UBE3A: variants seen among roughly 807,000 people sequenced by gnomAD.
The protein encoded by UBE3A is ubiquitin-protein ligase E3A.
A neutral mutation model predicts 83.4 loss-of-function variants in UBE3A; 6 were observed. The observed-to-expected ratio is 0.07, with a 90% CI of 0.04 to 0.14. The LOEUF is 0.14. Ranked by LOEUF, UBE3A falls within the 10% of genes least tolerant of loss-of-function variation. UBE3A has a pLI of 1.00. For missense variants in UBE3A, 456 were observed against 1,036.1 expected, an observed-to-expected ratio of 0.44 and a Z score of 7.69; for synonymous variants, 337 against 355.4, an observed-to-expected ratio of 0.95 and a Z score of 0.58.
intron 11 of UBE3A, among the ~76,000 whole-genome samples, chr15:25,341,942 G>GAAAT (rs2074913940): frequency 6.6e-6 from 1 of 152,040 alleles, no homozygotes; most frequent in African/African-American, 2.4e-5. Flanking sequence ...CCATTTATCT[G>GAAAT]AAATAACTTA....
intron 4 of UBE3A, among the ~76,000 whole-genome samples, chr15:25,382,660 T>C (rs2082399773): frequency 6.6e-6 from 1 of 150,542 alleles, no homozygotes; most frequent in African/African-American, 2.4e-5. Flanking sequence ...ATCAACAAAA[T>C]TAGGAGTAGC....
In UBE3A at chr15:25,370,807, T is replaced by G; in HGVS notation, c.1367A>C (p.Glu456Ala). 6.2e-7 allele frequency: 1 copy of G among 1,614,132 alleles called. No homozygotes were observed. The highest frequency in any genetic ancestry group is 2.2e-5 in the East Asian group (1 of 44,886). Residue 456 changes from glutamate to alanine, a missense_variant, in exon 6 of 13, where the codon GAA (glutamate) becomes GCA (alanine). Physicochemically the swap from Glu to Ala is moderately radical, Grantham distance 107. Coordinates refer to ENST00000648336, the MANE Select transcript of UBE3A (RefSeq NM_130839.5). This position sits in a 1 kb window ranked among gnomAD's most constrained non-coding sequence, Gnocchi z 4.2. ...FINEPLNEVL[E>A]MDKDYTFFKV... ...GAAAAAAGTATAATCTTTATCCATTTCTAGAACCTCATTCAGTGGTTCATT... is the reference window on the plus strand; with the variant it reads ...GAAAAAAGTATAATCTTTATCCATTGCTAGAACCTCATTCAGTGGTTCATT...
chr15:25,398,729 G>A (rs1305964131), intron 4 of UBE3A, among the ~76,000 whole-genome samples: 1 of 139,548 alleles, frequency 7.2e-6, no homozygotes, highest in Non-Finnish European at 1.5e-5. Context: ...AAAGGAACAT[G>A]GGAGTACAGA....
chr15:25,392,140 A>G (rs954853733), intron 4 of UBE3A, among the ~76,000 whole-genome samples: 1 of 152,208 alleles, frequency 6.6e-6, no homozygotes, highest in Non-Finnish European at 1.5e-5. Flanking sequence ...AGTGGAGAAC[A>G]CGAATAACGT....
At chr15:25,350,661 T>C (rs2076367328) in intron 11 of UBE3A, among the ~76,000 whole-genome samples, 1 of 152,002 alleles carries the variant, frequency 6.6e-6, no homozygotes, top group African/African-American at 2.4e-5. Context: ...TTATTCACAA[T>C]AGTCCCAAAC....
At chr15:25,368,154 TG>T (rs2152803811) in intron 6 of UBE3A, among the ~76,000 whole-genome samples, 1 of 152,266 alleles carries the variant, frequency 6.6e-6, no homozygotes, top group East Asian at 1.9e-4. Flanking sequence ...CAGAGATCCT[TG>T]GGAAATAAGA....
chr15:25,385,573 T>C (rs1375911622), intron 4 of UBE3A, among the ~76,000 whole-genome samples: 1 of 152,078 alleles, frequency 6.6e-6, no homozygotes, highest in Non-Finnish European at 1.5e-5. Flanking sequence ...TACCTCCAGT[T>C]CCACATATGA....
At chr15:25,356,231 A>T (rs2077193108) in intron 8 of UBE3A, among the ~76,000 whole-genome samples, 175 bp from the exon 9 acceptor site, 1 of 152,006 alleles carries the variant, frequency 6.6e-6, no homozygotes, top group African/African-American at 2.4e-5. Context: ...AAAGATTGTC[A>T]GTCACTGTGA....
At chr15:25,431,738 C>T (rs763158078) in intron 1 of UBE3A, among the ~76,000 whole-genome samples, 3 of 152,130 alleles carry the variant, frequency 2.0e-5, no homozygotes, top group Non-Finnish European at 2.9e-5. Flanking sequence ...TTGTGTGAAA[C>T]AGGATTTATC....
At chr15:25,367,312 A>T (rs1390862071) in intron 6 of UBE3A, among the ~76,000 whole-genome samples, 2 of 142,120 alleles carry the variant, frequency 1.4e-5, no homozygotes, top group African/African-American at 5.8e-5. Context: ...ATTAAATTAA[A>T]TTACATATTT....
intron 11 of UBE3A, among the ~76,000 whole-genome samples, chr15:25,352,770 A>AAATT (rs1284950706): frequency 8.5e-5 from 13 of 152,236 alleles, no homozygotes; most frequent in Admixed American, 5.9e-4. Flanking sequence ...TATATTGAGA[A>AAATT]AATTAAGAAG....
chr15:25,387,372 A>C (rs1369997806), intron 4 of UBE3A, among the ~76,000 whole-genome samples: 13 of 152,120 alleles, frequency 8.5e-5, no homozygotes, highest in Non-Finnish European at 1.5e-4. Context: ...ATACAAAAAA[A>C]TTAGCCACAC....
intron 1 of UBE3A, chr15:25,419,099 A>G (rs922415693): frequency 6.6e-6 from 1 of 152,176 alleles, no homozygotes; most frequent in African/African-American, 2.4e-5. Flanking sequence ...TGACCAAATG[A>G]GAGATTCATG....
At chr15:25,339,365 A>G in intron 12 of UBE3A, 108 bp from the exon 13 acceptor site, 1 of 1,372,722 alleles carries the variant, frequency 7.3e-7, no homozygotes, top group Non-Finnish European at 1.0e-6. Context: ...ACGGTCTGCA[A>G]TGCAAACTAT....
At chr15:25,353,769 T>C (rs543978069) in intron 11 of UBE3A, among the ~76,000 whole-genome samples, 1 of 152,258 alleles carries the variant, frequency 6.6e-6, no homozygotes, top group East Asian at 1.9e-4. Flanking sequence ...CCTATGTCTT[T>C]CAGAATTGGA....
chr15:25,379,650 T>C (rs1402218821), intron 4 of UBE3A, among the ~76,000 whole-genome samples: 1 of 152,118 alleles, frequency 6.6e-6, no homozygotes, highest in Non-Finnish European at 1.5e-5. Flanking sequence ...TTAGAGCACA[T>C]AAAAGGGCCT....
intron 5 of UBE3A, chr15:25,374,985 G>T (rs1025525384): frequency 5.6e-6 from 1 of 178,514 alleles, no homozygotes; most frequent in African/African-American, 2.4e-5. Flanking sequence ...TCCGGAAGGA[G>T]AGTGAGAAGC....
chr15:25,379,422 G>A (rs768558705), intron 4 of UBE3A, among the ~76,000 whole-genome samples: 9 of 152,104 alleles, frequency 5.9e-5, no homozygotes, highest in Non-Finnish European at 1.3e-4. Context: ...TCTGAAAGTA[G>A]CCCTCTATAT....
rs552684122 is a variant in UBE3A at position 25,410,035 on chromosome 15, C to G, written c.-100-828G>C. ...GGAGGGATAGCATTAGGAAATATAC[C>G]TAATGCTAAATGACGAGTTAATGGG... On this transcript the variant is annotated intron_variant, in intron 2 of 12. Transcript: ENST00000648336. Among the ~76,000 whole-genome samples the G allele has an allele frequency of 3.3e-5, 5 of 152,096 alleles. No homozygotes were observed. The South Asian group carries it at 1.0e-3, about 32-fold the overall frequency.
Sources: gnomAD v4.1 joint callset for allele counts (sites outside exome capture counted in the v4.1 genomes callset) on GRCh38, gnomAD v4.1.1 for gene constraint, Gnocchi (gnomAD v3.1) non-coding constraint, MANE v1.5 for transcripts, NCBI Gene and HGNC (gene_info 2026-07-23, HGNC 2026-07-21) for gene names.